The following PALM variants were observed in gnomAD, a reference collection of about 807,000 sequenced individuals.
PALM encodes the protein paralemmin.
A neutral mutation model predicts 30.7 loss-of-function variants in PALM; 18 were observed. The observed-to-expected ratio is 0.59, with a 90% CI of 0.41 to 0.87. PALM has a LOEUF of 0.87. Ranked by LOEUF, PALM falls within the 40% of genes least tolerant of loss-of-function variation. PALM has a pLI of 0.00. For missense variants in PALM, 529 were observed against 555.4 expected, an observed-to-expected ratio of 0.95 and a Z score of 0.48; for synonymous variants, 286 against 242.8, an observed-to-expected ratio of 1.18 and a Z score of -1.66.
intron 6 of PALM, 76 bp from the exon 7 acceptor site, chr19:735,943 C>A: frequency 1.6e-6 from 2 of 1,229,864 alleles, no homozygotes; most frequent in East Asian, 2.4e-5. Flanking sequence ...TGTGAAGGGG[C>A]GTTGGGCTGT....
intron 4 of PALM, among the ~76,000 whole-genome samples, chr19:730,709 A>G (rs1298052414): frequency 6.6e-6 from 1 of 152,124 alleles, no homozygotes; most frequent in Non-Finnish European, 1.5e-5. Flanking sequence ...CCTTAAATTC[A>G]GAGAGCTAGG....
intron 5 of PALM, among the ~76,000 whole-genome samples, chr19:731,808 T>C (rs559276004): frequency 2.6e-4 from 39 of 149,294 alleles, no homozygotes; most frequent in Non-Finnish European, 4.2e-4. Context: ...TACAGGCGCC[T>C]GCCACCATAC....
chr19:722,314 A>G (rs2144867397), intron 1 of PALM, among the ~76,000 whole-genome samples: 1 of 152,248 alleles, frequency 6.6e-6, no homozygotes, highest in Non-Finnish European at 1.5e-5. Flanking sequence ...TCCTGGATTC[A>G]AGTGATCCTC....
rs757270136 is a variant in PALM at position 746,269 on chromosome 19, G to C, written c.635-16G>C. 3.5e-5 allele frequency: 57 copies of C among 1,606,696 alleles called. No homozygotes were observed. Among genetic ancestry groups the C allele is most frequent in the Middle Eastern group, 1.7e-4 (1 of 6,034 alleles). On this transcript the variant is annotated splice_polypyrimidine_tract_variant and intron_variant, in intron 8 of 8. Transcript: ENST00000338448. The surrounding 1 kb of genome is among the most constrained non-coding windows in gnomAD (Gnocchi z 7.1). ...TGCCTGGAGCTGGGTCATTCTCTCT[G>C]TCTCTCCTTGTACAGTGGTCCATGC...
chr19:722,092 G>C (rs970118963), intron 1 of PALM, among the ~76,000 whole-genome samples: 2 of 151,300 alleles, frequency 1.3e-5, no homozygotes, highest in Non-Finnish European at 2.9e-5. Flanking sequence ...CTAATTTTTT[G>C]TGTTTTTAGT....
Position 727,105 on chromosome 19 carries a change from GAC to G in PALM, c.138+18_138+19del. 6.6e-7 allele frequency: 1 copy of G among 1,520,238 alleles called. No individual in the cohort carries two copies. The highest frequency in any genetic ancestry group is 8.9e-7 in the Non-Finnish European group (1 of 1,120,056). 94.2% of individuals were successfully genotyped at this position (1,520,238 alleles called of 1,614,324 possible). On this transcript the variant is annotated intron_variant, in intron 3 of 8. Coordinates refer to ENST00000338448, the MANE Select transcript of PALM (RefSeq NM_002579.3). ...CACCTGAAGGTACGAGCGGGGCAGG[GAC>G]CCAGGGTCAGGGAGTGCAGGCGGCT...
At chr19:744,058 C>A (rs998193426) in intron 8 of PALM, among the ~76,000 whole-genome samples, 1 of 152,184 alleles carries the variant, frequency 6.6e-6, no homozygotes, top group African/African-American at 2.4e-5. Flanking sequence ...ATTGTGGCTT[C>A]CTGTGGCAAT....
At chr19:726,384 C>T (rs1170612730) in intron 2 of PALM, among the ~76,000 whole-genome samples, 195 bp downstream of exon 2, 2 of 152,184 alleles carry the variant, frequency 1.3e-5, no homozygotes, top group Non-Finnish European at 2.9e-5. Context: ...GCTCCTGGAC[C>T]CCCGGCCTCG....
chr19:740,495 C>G lies in PALM; in HGVS notation c.634+12C>G. ...GGACGAGACCAAAGGTACGAGCACCCCGGCCCCTGCCCTCCCTCCACCTGG... is the reference window on the plus strand; with the variant it reads ...GGACGAGACCAAAGGTACGAGCACCGCGGCCCCTGCCCTCCCTCCACCTGG... On this transcript the variant is annotated intron_variant, in intron 8 of 8. Transcript: ENST00000338448. The G allele has an allele frequency of 6.5e-7, 1 of 1,546,346 alleles. No individual in the cohort carries two copies. The highest frequency in any genetic ancestry group is 8.7e-7 in the Non-Finnish European group (1 of 1,143,794).
intron 4 of PALM, 200 bp downstream of exon 4, chr19:727,894 C>T (rs979241560): frequency 2.4e-5 from 14 of 577,078 alleles, no homozygotes; most frequent in African/African-American, 2.3e-4. Flanking sequence ...TCTGGGGCAG[C>T]TTGCTGGGGG....
At chr19:741,758 G>A (rs17684039) in intron 8 of PALM, among the ~76,000 whole-genome samples, 10,973 of 152,150 alleles carry the variant, frequency 0.072, 517 homozygotes, top group Non-Finnish European at 0.1. Context: ...GAGGTCAAGA[G>A]GCAAACAGGC....
intron 1 of PALM, among the ~76,000 whole-genome samples, chr19:724,067 C>G (rs1391289424): frequency 1.3e-5 from 2 of 152,100 alleles, no homozygotes; most frequent in Non-Finnish European, 2.9e-5. Flanking sequence ...CACGGGGCTG[C>G]AGACAGATGA....
At chr19:710,276 C>T (rs1373909987) in intron 1 of PALM, among the ~76,000 whole-genome samples, 2 of 152,220 alleles carry the variant, frequency 1.3e-5, no homozygotes, top group African/African-American at 4.8e-5. Context: ...TCCCTCCCTC[C>T]CTGGGAAAGC....
intron 1 of PALM, among the ~76,000 whole-genome samples, chr19:721,831 C>T (rs567602849): frequency 6.6e-6 from 1 of 151,964 alleles, no homozygotes; most frequent in East Asian, 2.0e-4. Context: ...CTCCTGACCT[C>T]AGGTGATCCA....
chr19:722,117 A>C (rs1335534837), intron 1 of PALM, among the ~76,000 whole-genome samples: 3 of 147,760 alleles, frequency 2.0e-5, no homozygotes, highest in Non-Finnish European at 4.5e-5. Context: ...ACGGGGTTTC[A>C]CCGTGTTAGC....
At chr19:727,169 C>A in intron 3 of PALM, 81 bp downstream of exon 3, 2 of 926,748 alleles carry the variant, frequency 2.2e-6, no homozygotes, top group Non-Finnish European at 3.4e-6. Flanking sequence ...CCAACCCTGA[C>A]CCTGACCCCA....
intron 8 of PALM, among the ~76,000 whole-genome samples, chr19:744,882 A>C (rs1202805759): frequency 1.8e-5 from 2 of 111,796 alleles, no homozygotes; most frequent in African/African-American, 3.2e-5. Context: ...CGACAGAGGG[A>C]GTCAAAAAAA....
At chr19:728,172 C>G (rs558777152) in intron 4 of PALM, among the ~76,000 whole-genome samples, 20 of 152,084 alleles carry the variant, frequency 1.3e-4, no homozygotes, top group Non-Finnish European at 1.5e-5. Flanking sequence ...GCAGGAAGCT[C>G]GGGCGGGGGC....
rs545059164 is a variant in PALM at position 727,831 on chromosome 19, T to C, written c.269+137T>C. On this transcript the variant is annotated intron_variant, in intron 4 of 8. Coordinates refer to ENST00000338448, the MANE Select transcript of PALM (RefSeq NM_002579.3). ...GGACCGGGCAGGCCAGGACCCAACATGCTTTGAGGGGGACGCAGGACGGGA... is the reference window on the plus strand; with the variant it reads ...GGACCGGGCAGGCCAGGACCCAACACGCTTTGAGGGGGACGCAGGACGGGA... 7.5e-6 allele frequency: 6 copies of C among 796,464 alleles called. No individual in the cohort carries two copies. In the Admixed American group the frequency reaches 1.1e-4, roughly 15 times the overall value. The allele number at this position is 796,464 out of a possible 1,614,324, so 49.3% of individuals were successfully genotyped here. A position where few individuals can be genotyped will look rare whatever the true frequency, so the allele number is the denominator to read the frequency against.
Sources: allele counts gnomAD v4.1 joint callset (sites outside exome capture counted in the v4.1 genomes callset), GRCh38; gene constraint gnomAD v4.1.1; non-coding constraint Gnocchi (gnomAD v3.1); transcripts MANE v1.5; gene names NCBI Gene and HGNC (gene_info 2026-07-23, HGNC 2026-07-21).